Variants in KCNN2 observed in about 807,000 individuals in gnomAD.
KCNN2 encodes small conductance calcium-activated potassium channel protein 2.
Under a neutral mutation model 55.5 loss-of-function variants are expected in KCNN2, and 24 were observed. The observed-to-expected ratio is 0.43, with a 90% CI of 0.31 to 0.61. KCNN2 has a LOEUF of 0.61. Ranked by LOEUF, KCNN2 falls within the 20% of genes least tolerant of loss-of-function variation. The probability of loss-of-function intolerance (pLI) is 0.08; values close to 1 mark genes in which losing one functional copy is unlikely to be tolerated. For missense variants in KCNN2, 754 were observed against 853.6 expected (o/e 0.88, Z 1.45); for synonymous variants, 431 against 336.1 (o/e 1.28, Z -3.09).
chr5:114,449,911 C>CACAA, intron 3 of KCNN2, among the ~76,000 whole-genome samples: 1 of 29,426 alleles, frequency 3.4e-5, no homozygotes, highest in South Asian at 1.8e-3. Context: ...CACACACACG[C>CACAA]GCGCGCTCGC....
intron 1 of KCNN2, among the ~76,000 whole-genome samples, chr5:114,121,471 G>C (rs186380471): frequency 8.3e-4 from 127 of 152,190 alleles, no homozygotes; most frequent in Middle Eastern, 3.4e-3. Flanking sequence ...CCATGTATAC[G>C]GACCTATATA....
intron 3 of KCNN2, among the ~76,000 whole-genome samples, chr5:114,442,753 G>T (rs1760263945): frequency 6.6e-6 from 1 of 152,204 alleles, no homozygotes; most frequent in South Asian, 2.1e-4. Context: ...TAAAGGATAT[G>T]TAAGAGAGGG....
At chr5:114,266,520 T>C (rs966430250) in intron 2 of KCNN2, among the ~76,000 whole-genome samples, 3 of 152,234 alleles carry the variant, frequency 2.0e-5, no homozygotes, top group East Asian at 1.9e-4. Flanking sequence ...CAGGACTGCA[T>C]TGTTAGAAGG....
At chr5:114,416,151 G>A (rs1288001851) in intron 3 of KCNN2, among the ~76,000 whole-genome samples, 1 of 152,202 alleles carries the variant, frequency 6.6e-6, no homozygotes, top group African/African-American at 2.4e-5. Context: ...GCGTTGCTTT[G>A]ATGGTTGTAG....
At chr5:114,159,731 G>T (rs547212283) in intron 1 of KCNN2, among the ~76,000 whole-genome samples, 97 of 152,212 alleles carry the variant, frequency 6.4e-4, no homozygotes, top group Middle Eastern at 3.4e-3. Context: ...TTTAGTCTTG[G>T]GAGGGTGTAT....
At chr5:114,181,554 A>T (rs776426850) in intron 1 of KCNN2, among the ~76,000 whole-genome samples, 1 of 152,018 alleles carries the variant, frequency 6.6e-6, no homozygotes, top group Non-Finnish European at 1.5e-5. Flanking sequence ...TTTCCTAATG[A>T]TATATTTTTT....
intron 2 of KCNN2, among the ~76,000 whole-genome samples, chr5:114,403,071 A>G (rs755128276): frequency 1.1e-4 from 16 of 152,218 alleles, no homozygotes; most frequent in Non-Finnish European, 1.8e-4. Context: ...TCGGAGTGAT[A>G]CATTGAGACT....
chr5:114,084,949 A>G (rs1750981702), intron 1 of KCNN2, among the ~76,000 whole-genome samples: 4 of 151,876 alleles, frequency 2.6e-5, no homozygotes, highest in Admixed American at 2.6e-4. Flanking sequence ...CTCCTTTGTC[A>G]GCAATCAATT....
At chr5:114,464,043 T>G (rs1302372181) in intron 4 of KCNN2, among the ~76,000 whole-genome samples, 3 of 152,160 alleles carry the variant, frequency 2.0e-5, no homozygotes, top group African/African-American at 7.2e-5. Context: ...CCACGTCTTG[T>G]GGAGCACTTG....
At chr5:114,472,807 TATTTCTTAGAATGG>T (rs1761812090) in intron 4 of KCNN2, among the ~76,000 whole-genome samples, 1 of 152,230 alleles carries the variant, frequency 6.6e-6, no homozygotes, top group Admixed American at 6.5e-5. Context: ...TTAGGCCATT[TATTTCTTAGAATGG>T]AAATGTTTTT....
intron 1 of KCNN2, among the ~76,000 whole-genome samples, chr5:114,093,052 G>A (rs1177030551): frequency 6.6e-6 from 1 of 152,088 alleles, no homozygotes; most frequent in Non-Finnish European, 1.5e-5. Context: ...TTTCTTTTCT[G>A]TCACATTGTC....
At chr5:114,156,785 T>C (rs958373523) in intron 1 of KCNN2, among the ~76,000 whole-genome samples, 2 of 152,062 alleles carry the variant, frequency 1.3e-5, no homozygotes, top group African/African-American at 4.8e-5. Context: ...TCATGCCTTT[T>C]ATTAATATGT....
chr5:114,435,632 A>T (rs901080314), intron 3 of KCNN2, among the ~76,000 whole-genome samples: 6 of 152,020 alleles, frequency 3.9e-5, no homozygotes, highest in Non-Finnish European at 8.8e-5. Flanking sequence ...AAAAAAAAAG[A>T]TGATTTAGAT....
At chr5:114,277,606 C>G (rs1755518102) in intron 2 of KCNN2, among the ~76,000 whole-genome samples, 1 of 152,120 alleles carries the variant, frequency 6.6e-6, no homozygotes, top group South Asian at 2.1e-4. Flanking sequence ...TCACTGATAT[C>G]CTTTCTTTTG....
intron 2 of KCNN2, among the ~76,000 whole-genome samples, chr5:114,255,493 G>T (rs1043265913): frequency 6.6e-6 from 1 of 152,160 alleles, no homozygotes; most frequent in East Asian, 1.9e-4. Flanking sequence ...GAGAGGTAGC[G>T]GTGAGAGAGA....
At chr5:114,106,181 A>T (rs1225829536) in intron 1 of KCNN2, among the ~76,000 whole-genome samples, 1 of 143,494 alleles carries the variant, frequency 7.0e-6, no homozygotes, top group Non-Finnish European at 1.5e-5. Flanking sequence ...TTTTTCAGCT[A>T]TTTTTTTTTT....
chr5:114,251,566 G>C (rs1754861033), intron 2 of KCNN2, among the ~76,000 whole-genome samples: 1 of 152,104 alleles, frequency 6.6e-6, no homozygotes, highest in South Asian at 2.1e-4. Flanking sequence ...TCCAAATGCT[G>C]TTCAATAGAA....
At chr5:114,413,190 A>C (rs1046857990) in intron 3 of KCNN2, among the ~76,000 whole-genome samples, 1 of 152,234 alleles carries the variant, frequency 6.6e-6, no homozygotes, top group Non-Finnish European at 1.5e-5. Flanking sequence ...TGGTCATTAA[A>C]GTCTTTTATG....
At chr5:114,305,787 G>A (rs1436213726) in intron 2 of KCNN2, among the ~76,000 whole-genome samples, 1 of 152,174 alleles carries the variant, frequency 6.6e-6, no homozygotes. Flanking sequence ...TGTCCCTCCA[G>A]TGCCCTCTAT....
Sources: gnomAD v4.1 joint callset for allele counts (sites outside exome capture counted in the v4.1 genomes callset) on GRCh38, gnomAD v4.1.1 for gene constraint, MANE v1.5 for transcripts, NCBI Gene and HGNC (gene_info 2026-07-23, HGNC 2026-07-21) for gene names.